PHACTR2: variants seen among roughly 807,000 people sequenced by gnomAD.
PHACTR2 encodes chromosome 6 open reading frame 56.
In PHACTR2, 30 loss-of-function variants were observed where a neutral mutation model predicts 76.0. The ratio of observed to expected loss-of-function variants is 0.39; its 90% CI spans 0.30 to 0.54. PHACTR2 has a LOEUF of 0.54. Ranked by LOEUF, PHACTR2 falls within the 20% of genes least tolerant of loss-of-function variation. PHACTR2 has a pLI of 0.61. For missense variants in PHACTR2, 696 were observed against 781.1 expected (o/e 0.89, Z 1.30); for synonymous variants, 292 against 292.5 (o/e 1.00, Z 0.02).
rs1358898766 is a variant in PHACTR2, at chr6:143,643,547, T to C, written c.13+35225T>C. Among the ~76,000 whole-genome samples the C allele has an allele frequency of 2.0e-5, 3 of 152,202 alleles. No homozygotes were observed. In the East Asian group the frequency reaches 5.8e-4, roughly 29 times the overall value. ...ATGCATTGTTTCATCTATATATAAG[T>C]CATGGGCATTGAGGAAGGAAAATGT... is the stretch of plus-strand genomic sequence containing the variant. On this transcript the variant is annotated intron_variant, in intron 1 of 11. Coordinates refer to the PHACTR2 transcript ENST00000305766.
chr6:143,547,614 A>C lies in PHACTR2; in HGVS notation c.217+10407A>C, dbSNP rs1379967715. 6.6e-6 allele frequency among the ~76,000 whole-genome samples: 1 copy of C among 152,228 alleles called. No homozygotes were observed. Among genetic ancestry groups the C allele is most frequent in the African/African-American group, 2.4e-5 (1 of 41,458 alleles). ...TCAGATATGAATGAGAGGATTACTA[A>C]GTAATAGCAAGGGTTTGAACAAAAT... is the stretch of plus-strand genomic sequence containing the variant. On this transcript the variant is annotated intron_variant, in intron 1 of 11. Transcript: ENST00000367584. The surrounding 1 kb of genome is among the most constrained non-coding windows in gnomAD (Gnocchi z 4.2).
Position 143,625,064 on chromosome 6 carries a change from G to A in PHACTR2, c.13+16742G>A, listed in dbSNP as rs1453239162. Among the ~76,000 whole-genome samples the A allele has an allele frequency of 6.6e-6, 1 of 152,000 alleles. No individual in the cohort carries two copies. Among genetic ancestry groups the A allele is most frequent in the Admixed American group, 6.6e-5 (1 of 15,256 alleles). ...CTAGCTACAGGGGAGGCTGAGGCAG[G>A]AGAATTGCTTGAACCCGGGAGATGG... On this transcript the variant is annotated intron_variant, in intron 1 of 11. Transcript: ENST00000305766. This position sits in a 1 kb window ranked among gnomAD's most constrained non-coding sequence, Gnocchi z 4.3.
At chr6:143,612,234 GGCAAAGAGAAACAT>G (rs1280600735) in intron 1 of PHACTR2, among the ~76,000 whole-genome samples, 1 of 152,138 alleles carries the variant, frequency 6.6e-6, no homozygotes, top group Non-Finnish European at 1.5e-5. Flanking sequence ...AATAAGACCA[GGCAAAGAGAAACAT>G]GCTCCTAAGC....
intron 11 of PHACTR2, among the ~76,000 whole-genome samples, chr6:143,796,976 G>A (rs1000437885): frequency 6.6e-6 from 1 of 152,142 alleles, no homozygotes; most frequent in African/African-American, 2.4e-5. Flanking sequence ...GATCCTTGAG[G>A]AATCGCCACA....
rs182591404 is a variant in PHACTR2, at chr6:143,807,586, A to G, written c.1922+453A>G. 3.3e-4 allele frequency among the ~76,000 whole-genome samples: 51 copies of G among 152,298 alleles called. No individual in the cohort carries two copies. The East Asian group carries it at 6.9e-3, about 21-fold the overall frequency. On this transcript the variant is annotated intron_variant, in intron 12 of 12. Transcript: ENST00000440869. The surrounding 1 kb of genome is among the most constrained non-coding windows in gnomAD (Gnocchi z 5.5). Reference sequence around the variant, plus strand: ...ATTTATTCTGCTCTTGAACAGACTTAGTTGAAGTTGTATGCCCAGAATAGA... The same window carrying G: ...ATTTATTCTGCTCTTGAACAGACTTGGTTGAAGTTGTATGCCCAGAATAGA...
At chr6:143,711,757 G>T (rs1778180256) in intron 1 of PHACTR2, 1 of 656,446 alleles carries the variant, frequency 1.5e-6, no homozygotes, top group Non-Finnish European at 2.9e-6. Flanking sequence ...ACACTCATTT[G>T]TCTGGCCCCA....
At position 143,780,797 on chromosome 6, in the gene PHACTR2, C is replaced by T. The variant is rs1775410497; in HGVS notation, c.1646-2422C>T. Among the ~76,000 whole-genome samples the T allele has an allele frequency of 6.6e-6, 1 of 152,198 alleles. No homozygotes were observed. The highest frequency in any genetic ancestry group is 2.4e-5 in the African/African-American group (1 of 41,444). On this transcript the variant is annotated intron_variant, in intron 9 of 12. Coordinates refer to ENST00000440869, the MANE Select transcript of PHACTR2 (RefSeq NM_001100164.2). The surrounding 1 kb of genome is among the most constrained non-coding windows in gnomAD (Gnocchi z 4.4). Reference sequence around the variant, plus strand: ...GAGAGCAAGATTTGTCAATGAACCACGTCACTTCCTTCATGCATATCCCAC... The same window carrying T: ...GAGAGCAAGATTTGTCAATGAACCATGTCACTTCCTTCATGCATATCCCAC...
chr6:143,620,073 T>C (rs1776126028), intron 1 of PHACTR2, among the ~76,000 whole-genome samples: 2 of 152,194 alleles, frequency 1.3e-5, no homozygotes, highest in Admixed American at 1.3e-4. Context: ...ACTGTATGAC[T>C]GTGACGATAG....
At chr6:143,792,360 G>T (rs1408500745) in intron 11 of PHACTR2, among the ~76,000 whole-genome samples, 1 of 151,862 alleles carries the variant, frequency 6.6e-6, no homozygotes, top group Non-Finnish European at 1.5e-5. Context: ...ATGCCATTTT[G>T]CTAGAAATAG....
In PHACTR2 at chr6:143,595,507, T is replaced by A. The variant is rs1360833232; in HGVS notation, c.217+58300T>A. 6.6e-6 allele frequency among the ~76,000 whole-genome samples: 1 copy of A among 152,238 alleles called. No homozygotes were observed. The highest frequency in any genetic ancestry group is 1.5e-5 in the Non-Finnish European group (1 of 68,048). On this transcript the variant is annotated intron_variant, in intron 1 of 11. Coordinates refer to the PHACTR2 transcript ENST00000367584. The surrounding 1 kb of genome is among the most constrained non-coding windows in gnomAD (Gnocchi z 4.2). ...AATGTTTCCAGACTCAAATGACTGA[T>A]GAGCTAACATATTTTTAATTCAGAC...
In PHACTR2 at chr6:143,541,583, T is replaced by C. The variant is rs571783362; in HGVS notation, c.217+4376T>C. On this transcript the variant is annotated intron_variant, in intron 1 of 11. Coordinates refer to the PHACTR2 transcript ENST00000367584. This position sits in a 1 kb window ranked among gnomAD's most constrained non-coding sequence, Gnocchi z 5.3. ...AATCTCATCTTTTTATTACTGTGAT[T>C]CATCTCTTCAGTATCCCTATGCCCT... is the stretch of plus-strand genomic sequence containing the variant. Among the ~76,000 whole-genome samples the C allele has an allele frequency of 6.6e-6, 1 of 152,350 alleles. No homozygotes were observed. The highest frequency in any genetic ancestry group is 2.1e-4 in the South Asian group (1 of 4,828).
intron 2 of PHACTR2, 115 bp downstream of exon 2, chr6:143,712,298 AT>A (rs1778195572): frequency 1.3e-5 from 8 of 603,524 alleles, no homozygotes; most frequent in Non-Finnish European, 2.0e-5. Flanking sequence ...CGTATTTGAA[AT>A]GAAATTCTTT....
chr6:143,814,595 C>CTTTTTT (rs61652528), intron 12 of PHACTR2, among the ~76,000 whole-genome samples: 46 of 108,414 alleles, frequency 4.2e-4, no homozygotes, highest in African/African-American at 1.6e-3. Context: ...GACATACACA[C>CTTTTTT]TTTTTTTTTT....
In PHACTR2 at chr6:143,722,512, T is replaced by A. The variant is rs1778465996; in HGVS notation, c.214+10329T>A. ...AATGAATGCATAATTTTCGTACATATTTTGGGGTATATGTGATATTTTTAT... is the reference window on the plus strand; with the variant it reads ...AATGAATGCATAATTTTCGTACATAATTTGGGGTATATGTGATATTTTTAT... On this transcript the variant is annotated intron_variant, in intron 2 of 12. Transcript: ENST00000440869. This position sits in a 1 kb window ranked among gnomAD's most constrained non-coding sequence, Gnocchi z 4.1. Among the ~76,000 whole-genome samples the A allele has an allele frequency of 6.6e-6, 1 of 152,230 alleles. No homozygotes were observed. Among genetic ancestry groups the A allele is most frequent in the Non-Finnish European group, 1.5e-5 (1 of 68,038 alleles).
intron 1 of PHACTR2, among the ~76,000 whole-genome samples, chr6:143,584,937 A>G (rs1236820348): frequency 6.7e-6 from 1 of 150,124 alleles, no homozygotes; most frequent in Non-Finnish European, 1.5e-5. Flanking sequence ...TGATGCTGGC[A>G]TTCTCCTCTA....
chr6:143,587,119 C>T (rs1263454030), intron 1 of PHACTR2, among the ~76,000 whole-genome samples: 3 of 152,172 alleles, frequency 2.0e-5, no homozygotes, highest in South Asian at 2.1e-4. Context: ...TAAACACGCT[C>T]TTTGAGGCTG....
intron 1 of PHACTR2, among the ~76,000 whole-genome samples, chr6:143,699,604 G>C (rs1434932700): frequency 1.3e-5 from 2 of 152,150 alleles, no homozygotes; most frequent in Non-Finnish European, 2.9e-5. Flanking sequence ...ATCTTCCCTT[G>C]AATGTTCTGC....
In PHACTR2 at chr6:143,789,259, C is replaced by T. The variant is rs1197769664; in HGVS notation, c.1845+349C>T. ...GTTAATAGAAAGGTTTAATCTTCGT[C>T]GAGACTGGCACACTTTTAATAGAAA... On this transcript the variant is annotated intron_variant, in intron 11 of 12. Transcript: ENST00000440869. This position sits in a 1 kb window ranked among gnomAD's most constrained non-coding sequence, Gnocchi z 5.1. 3 of 170,962 alleles carry T rather than the reference C, an allele frequency of 1.8e-5. No homozygotes were observed. Among genetic ancestry groups the T allele is most frequent in the Admixed American group, 5.6e-5 (1 of 17,748 alleles). The allele number at this position is 170,962 out of a possible 1,614,324, so 10.6% of individuals were successfully genotyped here.
upstream of PHACTR2, among the ~76,000 whole-genome samples, chr6:143,676,373 G>C (rs531362790): frequency 6.6e-6 from 1 of 152,264 alleles, no homozygotes; most frequent in South Asian, 2.1e-4. The surrounding 1 kb of genome is among the most constrained non-coding windows in gnomAD (Gnocchi z 4.8). Context: ...AGAAATGATA[G>C]CAACCTTAAA....
Sources: gnomAD v4.1 joint callset for allele counts (sites outside exome capture counted in the v4.1 genomes callset) on GRCh38, gnomAD v4.1.1 for gene constraint, Gnocchi (gnomAD v3.1) non-coding constraint, MANE v1.5 for transcripts, NCBI Gene and HGNC (gene_info 2026-07-23, HGNC 2026-07-21) for gene names.